KCNB2: variants seen among roughly 807,000 people sequenced by gnomAD.
KCNB2 encodes potassium voltage-gated channel subfamily B member 2.
Under a neutral mutation model 61.5 loss-of-function variants are expected in KCNB2, and 15 were observed. The observed-to-expected ratio is 0.24, with a 90% CI of 0.16 to 0.38. KCNB2 has a LOEUF of 0.38. KCNB2 is among the 10% of genes least tolerant of loss of function. KCNB2 has a pLI of 1.00. For missense variants in KCNB2, 828 were observed against 1,125.2 expected (o/e 0.74, Z 3.78); for synonymous variants, 457 against 446.0 (o/e 1.02, Z -0.31).
At chr8:72,917,788 A>C (rs1325277667) in intron 2 of KCNB2, among the ~76,000 whole-genome samples, 1 of 152,220 alleles carries the variant, frequency 6.6e-6, no homozygotes, top group Non-Finnish European at 1.5e-5. Flanking sequence ...AAATATCTCC[A>C]TTGCCTGAAA....
At chr8:72,847,977 C>T (rs1331669884) in intron 2 of KCNB2, among the ~76,000 whole-genome samples, 1 of 152,158 alleles carries the variant, frequency 6.6e-6, no homozygotes, top group South Asian at 2.1e-4. Context: ...CCCCTAAACA[C>T]TCATTCTCCT....
chr8:72,767,516 A>G (rs988948664), intron 2 of KCNB2, among the ~76,000 whole-genome samples: 1 of 150,572 alleles, frequency 6.6e-6, no homozygotes, highest in South Asian at 2.1e-4. Flanking sequence ...CACTCAGTAT[A>G]ATGTTTTTAA....
intron 2 of KCNB2, among the ~76,000 whole-genome samples, chr8:72,928,254 G>A (rs1300586287): frequency 2.7e-5 from 4 of 148,838 alleles, no homozygotes; most frequent in African/African-American, 5.0e-5. Flanking sequence ...GTATGGTGAC[G>A]CAATCTCGGC....
At chr8:72,622,575 T>C (rs1004598090) in intron 2 of KCNB2, among the ~76,000 whole-genome samples, 4 of 152,092 alleles carry the variant, frequency 2.6e-5, no homozygotes, top group African/African-American at 9.7e-5. Context: ...ATCTGAATAC[T>C]TTAGGTAAAT....
intron 2 of KCNB2, among the ~76,000 whole-genome samples, chr8:72,755,182 C>CA: frequency 6.6e-6 from 1 of 151,954 alleles, no homozygotes; most frequent in East Asian, 1.9e-4. Context: ...TTACAGTCAT[C>CA]AAAAAAACAG....
At chr8:72,685,341 T>C (rs1806832887) in intron 2 of KCNB2, among the ~76,000 whole-genome samples, 1 of 152,148 alleles carries the variant, frequency 6.6e-6, no homozygotes, top group Non-Finnish European at 1.5e-5. Context: ...AAAACATAAG[T>C]TCATAAGGAC....
intron 2 of KCNB2, among the ~76,000 whole-genome samples, chr8:72,931,354 TG>T (rs1191060429): frequency 6.6e-6 from 1 of 152,194 alleles, no homozygotes; most frequent in African/African-American, 2.4e-5. Context: ...GGTAGCTTGA[TG>T]GGGATGGCAT....
intron 2 of KCNB2, among the ~76,000 whole-genome samples, chr8:72,709,139 T>G (rs1274431161): frequency 1.3e-5 from 2 of 152,226 alleles, no homozygotes; most frequent in African/African-American, 2.4e-5. Flanking sequence ...AGCCAGCTGT[T>G]TGAGCCTAAC....
intron 2 of KCNB2, among the ~76,000 whole-genome samples, chr8:72,777,835 A>C (rs2128997646): frequency 6.6e-6 from 1 of 152,262 alleles, no homozygotes; most frequent in East Asian, 1.9e-4. Flanking sequence ...TGGCTGGTAT[A>C]ATGTTTTTGG....
At chr8:72,896,500 T>C (rs1048879008) in intron 2 of KCNB2, among the ~76,000 whole-genome samples, 1 of 152,162 alleles carries the variant, frequency 6.6e-6, no homozygotes, top group Non-Finnish European at 1.5e-5. Context: ...AGATTCATAA[T>C]TATGTATGAA....
rs763861169 is a variant in KCNB2 at position 72,918,896 on chromosome 8, T to A, written c.580-17039T>A. 4.6e-5 allele frequency among the ~76,000 whole-genome samples: 7 copies of A among 152,214 alleles called. No homozygotes were observed. In the South Asian group the frequency reaches 1.0e-3, roughly 23 times the overall value. ...TTTAGATTCCCGGCATATACAAAAC[T>A]AGTCTGGCATTTAGAAAACCTAGAA... is the stretch of plus-strand genomic sequence containing the variant. On this transcript the variant is annotated intron_variant, in intron 2 of 2. Transcript: ENST00000523207.
chr8:72,551,998 T>G (rs919722256), intron 1 of KCNB2, among the ~76,000 whole-genome samples: 1 of 152,130 alleles, frequency 6.6e-6, no homozygotes, highest in Non-Finnish European at 1.5e-5. Context: ...TAGGGCAGGA[T>G]AGGACCAGAG....
intron 2 of KCNB2, among the ~76,000 whole-genome samples, chr8:72,825,540 C>T (rs1480389718): frequency 2.0e-5 from 3 of 152,178 alleles, no homozygotes; most frequent in South Asian, 2.1e-4. Context: ...AATTTCTCTA[C>T]GTCCTCCCTG....
At chr8:72,576,545 A>G (rs1042839545) in intron 2 of KCNB2, among the ~76,000 whole-genome samples, 2 of 152,176 alleles carry the variant, frequency 1.3e-5, no homozygotes, top group Admixed American at 6.5e-5. Context: ...AAGCTTGGGA[A>G]TTATTTTTGC....
intron 2 of KCNB2, among the ~76,000 whole-genome samples, chr8:72,810,132 G>T (rs1355311394): frequency 4.6e-5 from 7 of 152,278 alleles, no homozygotes; most frequent in African/African-American, 1.7e-4. Flanking sequence ...AAAGAGGAAT[G>T]TCTTGAGAAA....
chr8:72,911,715 A>G (rs1806298629), intron 2 of KCNB2, among the ~76,000 whole-genome samples: 1 of 152,166 alleles, frequency 6.6e-6, no homozygotes, highest in South Asian at 2.1e-4. Context: ...CTACTGCACT[A>G]ATTCCTTCTT....
chr8:72,723,700 G>T (rs182741842), intron 2 of KCNB2, among the ~76,000 whole-genome samples: 10 of 152,178 alleles, frequency 6.6e-5, no homozygotes, highest in African/African-American at 2.4e-4. Flanking sequence ...CAATCTAAGG[G>T]CCCCAAATAC....
intron 2 of KCNB2, chr8:72,750,773 C>T (rs531381455): frequency 1.3e-5 from 2 of 152,188 alleles, no homozygotes; most frequent in South Asian, 2.1e-4. Context: ...AATACACGTG[C>T]GTTAATGGCT....
intron 2 of KCNB2, among the ~76,000 whole-genome samples, chr8:72,596,453 A>G (rs969535763): frequency 2.0e-5 from 3 of 152,152 alleles, no homozygotes; most frequent in Non-Finnish European, 4.4e-5. Context: ...AAATGCGATG[A>G]TTTTAGTCTC....
Sources: gnomAD v4.1 joint callset for allele counts (sites outside exome capture counted in the v4.1 genomes callset) on GRCh38, gnomAD v4.1.1 for gene constraint, MANE v1.5 for transcripts, NCBI Gene and HGNC (gene_info 2026-07-23, HGNC 2026-07-21) for gene names.